GLI2: variants seen among roughly 807,000 people sequenced by gnomAD.
GLI2 encodes the protein transcription activator GLI2.
In GLI2, 22 loss-of-function variants were observed where a neutral mutation model predicts 78.9. The observed-to-expected ratio is 0.28, with a 90% confidence interval of 0.20 to 0.40. GLI2 has a LOEUF of 0.40. Ranked by LOEUF, GLI2 falls within the 10% of genes least tolerant of loss-of-function variation. GLI2 has a pLI of 1.00. For missense variants in GLI2, 2,097 were observed against 2,213.2 expected, an observed-to-expected ratio of 0.95 and a Z score of 1.05; for synonymous variants, 974 against 963.7, an observed-to-expected ratio of 1.01 and a Z score of -0.20.
intron 2 of GLI2, among the ~76,000 whole-genome samples, chr2:120,878,817 C>G (rs1379162567): frequency 1.3e-5 from 2 of 151,914 alleles, no homozygotes; most frequent in Non-Finnish European, 2.9e-5. Flanking sequence ...CCTGTAATCC[C>G]AGCTACTCAG....
Position 120,735,966 on chromosome 2 carries a change from GGGC to G in GLI2, c.-337_-335del, listed in dbSNP as rs1011741608. 2.0e-5 allele frequency among the ~76,000 whole-genome samples: 3 copies of G among 151,842 alleles called. No individual in the cohort carries two copies. The highest frequency in any genetic ancestry group is 4.1e-4 in the South Asian group (2 of 4,824). On this transcript the variant is annotated 5_prime_UTR_variant, in exon 1 of 14. Transcript: ENST00000361492. Reference sequence around the variant, plus strand: ...CATCAATGAGACTTCGAGGAGGAGCGGGCGGCGGCGGCGGCTGCGACTGCGAAC... The same window carrying G: ...CATCAATGAGACTTCGAGGAGGAGCGGGCGGCGGCGGCTGCGACTGCGAAC...
intron 2 of GLI2, among the ~76,000 whole-genome samples, chr2:120,834,734 G>T (rs537368575): frequency 6.6e-6 from 1 of 152,256 alleles, no homozygotes; most frequent in East Asian, 1.9e-4. Flanking sequence ...TTTGCACCTG[G>T]TTTCAGATGC....
intron 2 of GLI2, among the ~76,000 whole-genome samples, chr2:120,865,689 G>A (rs553502632): frequency 1.3e-5 from 2 of 152,340 alleles, no homozygotes; most frequent in South Asian, 4.1e-4. Context: ...AGCAGCGTCT[G>A]GTTTGACCAT....
intron 2 of GLI2, among the ~76,000 whole-genome samples, chr2:120,821,095 C>T (rs1685749753): frequency 6.6e-6 from 1 of 152,122 alleles, no homozygotes; most frequent in African/African-American, 2.4e-5. Flanking sequence ...GGATGATCTG[C>T]TCCTCCCTGA....
intron 3 of GLI2, among the ~76,000 whole-genome samples, chr2:120,948,535 C>G (rs1680826017): frequency 6.6e-6 from 1 of 152,202 alleles, no homozygotes. Flanking sequence ...ATCTCCAGGC[C>G]CAGCTGCCTC....
At chr2:120,861,282 C>T (rs909656206) in intron 2 of GLI2, among the ~76,000 whole-genome samples, 19 of 152,286 alleles carry the variant, frequency 1.2e-4, no homozygotes, top group African/African-American at 4.3e-4. Flanking sequence ...CCTGTGAAAC[C>T]CCATATGTAG....
At chr2:120,878,746 A>T (rs1688886622) in intron 2 of GLI2, among the ~76,000 whole-genome samples, 1 of 152,080 alleles carries the variant, frequency 6.6e-6, no homozygotes, top group African/African-American at 2.4e-5. Flanking sequence ...ATCCTGGCTA[A>T]CACAGTGAAA....
chr2:120,943,188 G>C (rs550092123), intron 3 of GLI2, among the ~76,000 whole-genome samples: 1 of 152,292 alleles, frequency 6.6e-6, no homozygotes, highest in East Asian at 1.9e-4. Context: ...CAGAAGCACC[G>C]TAGGAGGATC....
chr2:120,966,241 A>G (rs1338560753), intron 5 of GLI2, among the ~76,000 whole-genome samples: 8 of 152,184 alleles, frequency 5.3e-5, no homozygotes, highest in Admixed American at 5.2e-4. Flanking sequence ...CCACTGGGTC[A>G]CAGCAACCCC....
At chr2:120,949,689 C>T (rs1680884116) in intron 3 of GLI2, among the ~76,000 whole-genome samples, 2 of 152,162 alleles carry the variant, frequency 1.3e-5, no homozygotes, top group South Asian at 4.1e-4. Flanking sequence ...GAAGCAGGTT[C>T]GTGGGATCTA....
At chr2:120,822,549 C>A (rs868547915) in intron 2 of GLI2, among the ~76,000 whole-genome samples, 1 of 152,160 alleles carries the variant, frequency 6.6e-6, no homozygotes, top group South Asian at 2.1e-4. Flanking sequence ...GAAATGCCTC[C>A]GCAAATCACC....
At position 120,847,330 on chromosome 2, in the gene GLI2, G is replaced by A. The variant is rs531799172; in HGVS notation, c.148+49862G>A. Among the ~76,000 whole-genome samples the A allele has an allele frequency of 2.6e-5, 4 of 152,178 alleles. No individual in the cohort carries two copies. The South Asian group carries it at 6.2e-4, about 24-fold the overall frequency. ...CAGCCCAGAAGCCTGGATTATATTC[G>A]TCTTTAAACCAACACATTAGTAAAA... On this transcript the variant is annotated intron_variant, in intron 2 of 13. Transcript: ENST00000361492.
intron 1 of GLI2, among the ~76,000 whole-genome samples, chr2:120,777,988 C>T (rs998229068): frequency 3.3e-5 from 5 of 152,190 alleles, no homozygotes; most frequent in East Asian, 1.9e-4. Flanking sequence ...AGCCCCCACC[C>T]GGCTAGGCCC....
intron 1 of GLI2, among the ~76,000 whole-genome samples, chr2:120,772,446 G>A (rs1199272011): frequency 6.6e-6 from 1 of 152,230 alleles, no homozygotes; most frequent in Non-Finnish European, 1.5e-5. Context: ...ATGGGCTAGT[G>A]TGGAGCCTCG....
chr2:120,736,615 C>T (rs1326709101), intron 1 of GLI2, among the ~76,000 whole-genome samples: 1 of 148,074 alleles, frequency 6.8e-6, no homozygotes, highest in African/African-American at 2.5e-5. Flanking sequence ...CTCCGCGCGC[C>T]GGCGGGGGTC....
chr2:120,862,835 AG>A (rs1472907775), intron 2 of GLI2, among the ~76,000 whole-genome samples: 2 of 152,240 alleles, frequency 1.3e-5, no homozygotes, highest in African/African-American at 4.8e-5. Flanking sequence ...CAGCCTGCTC[AG>A]ACCTCCAGCT....
At chr2:120,796,733 C>T (rs1684414726) in intron 1 of GLI2, among the ~76,000 whole-genome samples, 1 of 152,232 alleles carries the variant, frequency 6.6e-6, no homozygotes, top group African/African-American at 2.4e-5. Flanking sequence ...GTATCTTCCG[C>T]ACCAGGCATG....
chr2:120,989,061 C>G lies in GLI2; in HGVS notation c.3096C>G (p.Pro1032=), dbSNP rs771471524. 15 of 1,609,882 alleles carry G rather than the reference C, an allele frequency of 9.3e-6. No homozygotes were observed. The highest frequency in any genetic ancestry group is 1.3e-5 in the Non-Finnish European group (15 of 1,179,652). ...AVAAGVDGAG[P]EADLGLPEDD... ...CGGCAGGAGTGGACGGCGCGGGGCC[C>G]GAGGCCGACCTGGGGCTGCCGGAGG... The change falls in exon 14 of 14, where the codon CCC becomes CCG. Residue 1032 remains proline, a synonymous_variant. Coordinates refer to ENST00000361492, the MANE Select transcript of GLI2 (RefSeq NM_001374353.1).
At position 120,955,463 on chromosome 2, in the gene GLI2, G is replaced by T. The variant is rs1427935161; in HGVS notation, c.643+33G>T. 4 of 1,385,442 alleles carry T rather than the reference G, an allele frequency of 2.9e-6. No homozygotes were observed. In the East Asian group the frequency reaches 9.6e-5, roughly 33 times the overall value. 85.8% of individuals were successfully genotyped at this position (1,385,442 alleles called of 1,614,324 possible). Reference sequence around the variant, plus strand: ...CTGGCCCCCAGGGGCTGAGGATGGGGCTAGCAGATCTCCTCTTGAGGCTGA... The same window carrying T: ...CTGGCCCCCAGGGGCTGAGGATGGGTCTAGCAGATCTCCTCTTGAGGCTGA... On this transcript the variant is annotated intron_variant, in intron 5 of 13. Coordinates refer to ENST00000361492, the MANE Select transcript of GLI2 (RefSeq NM_001374353.1).
Sources: gnomAD v4.1 joint callset for allele counts (sites outside exome capture counted in the v4.1 genomes callset) on GRCh38, gnomAD v4.1.1 for gene constraint, MANE v1.5 for transcripts, NCBI Gene and HGNC (gene_info 2026-07-23, HGNC 2026-07-21) for gene names.